Variants in DLEU7 observed in about 807,000 individuals in gnomAD.
DLEU7 encodes the protein leukemia-associated protein 7.
Under a neutral mutation model 16.0 loss-of-function variants are expected in DLEU7, and 17 were observed. That is an observed-to-expected ratio of 1.06 (90% confidence interval 0.73 to 1.59). DLEU7 has a LOEUF of 1.59. Among genes scored for constraint, DLEU7 ranks in the 40% most tolerant of loss-of-function variants. The pLI, the probability that DLEU7 is intolerant of heterozygous loss-of-function variation, is 0.00. For synonymous variants in DLEU7, 113 were observed against 139.8 expected, an observed-to-expected ratio of 0.81 and a Z score of 1.35; for missense variants, 308 against 314.9, an observed-to-expected ratio of 0.98 and a Z score of 0.17.
At chr13:50,765,193 G>T (rs767266875) in intron 1 of DLEU7, among the ~76,000 whole-genome samples, 3 of 152,090 alleles carry the variant, frequency 2.0e-5, no homozygotes, top group Non-Finnish European at 2.9e-5. Flanking sequence ...ACCTTAGAAT[G>T]AATTTGTGTT....
intron 1 of DLEU7, among the ~76,000 whole-genome samples, chr13:50,837,418 T>C (rs1180502856): frequency 6.6e-6 from 1 of 152,216 alleles, no homozygotes; most frequent in Non-Finnish European, 1.5e-5. Context: ...AGCTTTTATG[T>C]CCTGATTTTC....
At chr13:50,819,183 G>T (rs946850221), downstream of DLEU7, among the ~76,000 whole-genome samples, 2 of 152,078 alleles carry the variant, frequency 1.3e-5, no homozygotes, top group African/African-American at 4.8e-5. Context: ...AGCTAGAGAG[G>T]GCCTCCCTAA....
At chr13:50,791,154 A>C (rs1870838) in intron 1 of DLEU7, among the ~76,000 whole-genome samples, 74,111 of 151,734 alleles carry the variant, frequency 0.49, 19,004 homozygotes, top group African/African-American at 0.64. Flanking sequence ...CTCATTAAAG[A>C]AACCTATGAA....
chr13:50,767,628 T>C (rs1254275202), intron 1 of DLEU7, among the ~76,000 whole-genome samples: 1 of 152,110 alleles, frequency 6.6e-6, no homozygotes, highest in African/African-American at 2.4e-5. Flanking sequence ...GGGACAGCTA[T>C]TGTAGGACTC....
intron 1 of DLEU7, among the ~76,000 whole-genome samples, chr13:50,773,456 G>T (rs747894564): frequency 1.3e-5 from 2 of 152,198 alleles, no homozygotes; most frequent in Non-Finnish European, 1.5e-5. Context: ...GAGTTTTAGT[G>T]TGGTTGTCCT....
chr13:50,836,163 C>A (rs1038603365), intron 1 of DLEU7, among the ~76,000 whole-genome samples: 3 of 152,238 alleles, frequency 2.0e-5, no homozygotes, highest in African/African-American at 7.2e-5. Context: ...TGAAAACAGT[C>A]ACCTCTTGAG....
At chr13:50,821,020 C>T (rs768843495), downstream of DLEU7, among the ~76,000 whole-genome samples, 31 of 152,126 alleles carry the variant, frequency 2.0e-4, no homozygotes, top group South Asian at 8.3e-4. Flanking sequence ...TAGCCACGTG[C>T]GGCCAGTGCT....
intron 1 of DLEU7, among the ~76,000 whole-genome samples, chr13:50,767,421 A>G (rs913726796): frequency 8.9e-5 from 12 of 134,968 alleles, no homozygotes; most frequent in Non-Finnish European, 1.4e-4. Flanking sequence ...GCGCCACTGC[A>G]CTCCAGCCTG....
chr13:50,835,195 A>G (rs2137813186), intron 1 of DLEU7, among the ~76,000 whole-genome samples: 1 of 152,120 alleles, frequency 6.6e-6, no homozygotes, highest in Non-Finnish European at 1.5e-5. Context: ...AAAAAAATTA[A>G]CTCCTCTATT....
At chr13:50,790,439 A>G (rs1160275187) in intron 1 of DLEU7, among the ~76,000 whole-genome samples, 5 of 151,798 alleles carry the variant, frequency 3.3e-5, no homozygotes, top group African/African-American at 7.3e-5. Flanking sequence ...GCCCGCAAGG[A>G]TATCCTGTGA....
intron 1 of DLEU7, among the ~76,000 whole-genome samples, chr13:50,736,317 C>T (rs768578327): frequency 2.6e-5 from 4 of 151,832 alleles, no homozygotes; most frequent in East Asian, 1.9e-4. Flanking sequence ...CACATGGACA[C>T]GTAAAGGGGA....
chr13:50,843,469 G>C lies in DLEU7; in HGVS notation c.178C>G (p.Arg60Gly). 3 of 1,323,016 alleles carry C rather than the reference G, an allele frequency of 2.3e-6. No homozygotes were observed. Among genetic ancestry groups the C allele is most frequent in the Non-Finnish European group, 2.9e-6 (3 of 1,043,828 alleles). The allele number at this position is 1,323,016 out of a possible 1,614,324, so 82.0% of individuals were successfully genotyped here. ...PARRSGPPRA[R>G]PGPGREERGG... is the part of the protein sequence containing the mutation. The stretch of plus-strand genomic sequence containing the variant: ...CGCTCCTCGCGCCCGGGCCCCGGCC[G>C]GGCCCGCGGCGGGCCTGAGCGACGG... Residue 60 changes from arginine to glycine, a missense_variant, in exon 1 of 2, where the codon CGG becomes GGG. Coordinates refer to ENST00000504404, the MANE Select transcript of DLEU7 (RefSeq NM_001306135.2). The surrounding 1 kb of genome is among the most constrained non-coding windows in gnomAD (Gnocchi z 5.7).
At chr13:50,747,960 A>C (rs1874448540) in intron 1 of DLEU7, among the ~76,000 whole-genome samples, 1 of 152,228 alleles carries the variant, frequency 6.6e-6, no homozygotes, top group African/African-American at 2.4e-5. Context: ...AGGGGCTCTG[A>C]AAGGCCTAAA....
chr13:50,772,697 C>T (rs1179378752), intron 1 of DLEU7, among the ~76,000 whole-genome samples: 1 of 152,276 alleles, frequency 6.6e-6, no homozygotes, highest in East Asian at 1.9e-4. Flanking sequence ...CTGCCCTTAA[C>T]ATTTTTTCCT....
chr13:50,716,679 T>C (rs1171497295), intron 1 of DLEU7, among the ~76,000 whole-genome samples: 1 of 152,246 alleles, frequency 6.6e-6, no homozygotes, highest in Admixed American at 6.5e-5. Flanking sequence ...CATAGGATTG[T>C]AGGGAGAATC....
chr13:50,716,088 G>T (rs1050031151), intron 1 of DLEU7, among the ~76,000 whole-genome samples: 1 of 152,228 alleles, frequency 6.6e-6, no homozygotes, highest in South Asian at 2.1e-4. Flanking sequence ...TGGCATAAAT[G>T]TTAGATCAAC....
At chr13:50,770,768 A>G (rs1027224176) in intron 1 of DLEU7, among the ~76,000 whole-genome samples, 2 of 152,196 alleles carry the variant, frequency 1.3e-5, no homozygotes, top group African/African-American at 4.8e-5. Flanking sequence ...CTTTGGTATC[A>G]GGATGATGCT....
At chr13:50,754,610 T>G (rs1017782574) in intron 1 of DLEU7, among the ~76,000 whole-genome samples, 1 of 152,200 alleles carries the variant, frequency 6.6e-6, no homozygotes, top group African/African-American at 2.4e-5. Context: ...AGTTGGTCAG[T>G]GAGTTCTTAT....
chr13:50,843,455 CCCGGGCCCCGG>C lies in DLEU7; in HGVS notation c.181_191del (p.Pro61AlafsTer31). Reference sequence around the variant, plus strand: ...CCACGCCCCCGCCCCGCTCCTCGCGCCCGGGCCCCGGCCGGGCCCGCGGCGGGCCTGAGCGA... The same window carrying C: ...CCACGCCCCCGCCCCGCTCCTCGCGCCCGGGCCCGCGGCGGGCCTGAGCGA... On this transcript the variant is annotated frameshift_variant, in exon 1 of 2. Transcript: ENST00000504404. LOFTEE classifies it high-confidence loss of function. This position sits in a 1 kb window ranked among gnomAD's most constrained non-coding sequence, Gnocchi z 5.7. 1 of 1,322,572 alleles carries C rather than the reference CCCGGGCCCCGG, an allele frequency of 7.6e-7. No individual in the cohort carries two copies. The highest frequency in any genetic ancestry group is 9.6e-7 in the Non-Finnish European group (1 of 1,043,594). The allele number at this position is 1,322,572 out of a possible 1,614,324, so 81.9% of individuals were successfully genotyped here.
Sources: allele counts gnomAD v4.1 joint callset (sites outside exome capture counted in the v4.1 genomes callset), GRCh38; gene constraint gnomAD v4.1.1; non-coding constraint Gnocchi (gnomAD v3.1); transcripts MANE v1.5; gene names NCBI Gene and HGNC (gene_info 2026-07-23, HGNC 2026-07-21).